Variants in POLR1D observed in about 807,000 individuals in gnomAD.
POLR1D encodes DNA-directed RNA polymerases I and III subunit RPAC2.
A neutral mutation model predicts 10.8 loss-of-function variants in POLR1D; 8 were observed. The ratio of observed to expected loss-of-function variants is 0.74; its 90% CI spans 0.43 to 1.33. The LOEUF is 1.33. POLR1D is among the 40% of genes most tolerant of loss of function. The pLI is 0.01. For synonymous variants in POLR1D, 54 were observed against 57.2 expected, an observed-to-expected ratio of 0.94 and a Z score of 0.25; for missense variants, 152 against 161.7, an observed-to-expected ratio of 0.94 and a Z score of 0.32.
intron 2 of POLR1D, among the ~76,000 whole-genome samples, chr13:27,651,843 G>T (rs1035184851): frequency 4.6e-5 from 7 of 152,158 alleles, no homozygotes; most frequent in Non-Finnish European, 8.8e-5. Context: ...TAGACTCATG[G>T]GAAAAGTGGG....
In POLR1D at chr13:27,666,014, G is replaced by A. The variant is rs764415521; in HGVS notation, c.*61G>A. 2.3e-5 allele frequency: 34 copies of A among 1,498,020 alleles called. 1 individual carries two copies. The highest frequency in any genetic ancestry group is 1.1e-4 in the Admixed American group (6 of 53,368). 92.8% of individuals were successfully genotyped at this position (1,498,020 alleles called of 1,614,324 possible). The stretch of plus-strand genomic sequence containing the variant: ...CGTGCTCCTTCGGGGTGCGGTGTGC[G>A]GAGAAGGCCTGAGCTGGCAGGGCAA... On this transcript the variant is annotated 3_prime_UTR_variant, in exon 3 of 3. Coordinates refer to the POLR1D transcript ENST00000399697.
intron 1 of POLR1D, among the ~76,000 whole-genome samples, chr13:27,631,712 G>A (rs1458470711): frequency 6.6e-6 from 1 of 152,044 alleles, no homozygotes; most frequent in African/African-American, 2.4e-5. Flanking sequence ...GTCCTTGTTC[G>A]CTTCTGAACC....
intron 1 of POLR1D, chr13:27,622,263 G>A (rs1297555221): frequency 6.9e-6 from 4 of 580,768 alleles, no homozygotes; most frequent in Admixed American, 6.1e-5. Flanking sequence ...CAACAGCAGT[G>A]TGTAAAAATC....
At chr13:27,658,600 G>A (rs1566152814) in intron 2 of POLR1D, among the ~76,000 whole-genome samples, 2 of 152,178 alleles carry the variant, frequency 1.3e-5, no homozygotes. Context: ...TTGCCAGAGA[G>A]AGATTGCTGA....
chr13:27,628,129 A>G (rs1956036071), downstream of POLR1D, among the ~76,000 whole-genome samples: 1 of 152,176 alleles, frequency 6.6e-6, no homozygotes, highest in Admixed American at 6.5e-5. Context: ...CCATATCAGA[A>G]GAATTCATGT....
At chr13:27,654,475 T>G (rs1956292336) in intron 2 of POLR1D, among the ~76,000 whole-genome samples, 1 of 152,240 alleles carries the variant, frequency 6.6e-6, no homozygotes, top group Non-Finnish European at 1.5e-5. Context: ...GTTCACAGTT[T>G]GCCAAAATTC....
intron 1 of POLR1D, among the ~76,000 whole-genome samples, chr13:27,631,563 A>G (rs961736442): frequency 3.3e-5 from 5 of 152,202 alleles, no homozygotes; most frequent in African/African-American, 7.2e-5. Flanking sequence ...ACACCCACAT[A>G]CAAACCTCCA....
exon 3 of POLR1D, chr13:27,665,879 G>A (rs748657620): frequency 1.2e-6 from 2 of 1,614,028 alleles, no homozygotes; most frequent in Non-Finnish European, 8.5e-7. Flanking sequence ...CCGCGCTCGA[G>A]GTTCCGCCAG....
At chr13:27,621,112 A>T (rs1466294006), upstream of POLR1D, 1 of 153,218 alleles carries the variant, frequency 6.5e-6, no homozygotes, top group African/African-American at 2.4e-5. Flanking sequence ...AAGGTTGCCG[A>T]GGCGGGGGCT....
At chr13:27,666,028 C>A in exon 3 of POLR1D, 1 of 1,370,088 alleles carries the variant, frequency 7.3e-7, no homozygotes, top group Non-Finnish European at 1.0e-6. Context: ...AAGGCCTGAG[C>A]TGGCAGGGCA....
rs1211589629 is a variant in POLR1D at position 27,663,468 on chromosome 13, T to G, written c.102-2218T>G. 6.6e-6 allele frequency among the ~76,000 whole-genome samples: 1 copy of G among 152,246 alleles called. No individual in the cohort carries two copies. Among genetic ancestry groups the G allele is most frequent in the Non-Finnish European group, 1.5e-5 (1 of 68,042 alleles). On this transcript the variant is annotated intron_variant, in intron 2 of 2. Coordinates refer to the POLR1D transcript ENST00000399697. The surrounding 1 kb of genome is among the most constrained non-coding windows in gnomAD (Gnocchi z 4.1). ...TGTGGAATTATTCTATAAAACCATC[T>G]CATTCTCTGGCTAACTCTTTGGGTC...
chr13:27,652,993 T>G (rs7330014), intron 2 of POLR1D, among the ~76,000 whole-genome samples: 117,368 of 144,424 alleles, frequency 0.81, 47,957 homozygotes, highest in East Asian at 0.93. Context: ...TCTGCCTCCC[T>G]GGTGCAAGCA....
intron 1 of POLR1D, chr13:27,648,309 C>T: frequency 9.6e-7 from 1 of 1,037,640 alleles, no homozygotes. Context: ...AGATCATGGA[C>T]CTGGAATGAA....
chr13:27,621,978 C>G lies in POLR1D; in HGVS notation c.-6C>G. 1 of 1,593,204 alleles carries G rather than the reference C, an allele frequency of 6.3e-7. No homozygotes were observed. The highest frequency in any genetic ancestry group is 1.3e-5 in the African/African-American group (1 of 74,896). On this transcript the variant is annotated 5_prime_UTR_variant, in exon 1 of 2. Coordinates refer to ENST00000302979, the MANE Select transcript of POLR1D (RefSeq NM_015972.4). ...ACCACCTGAGGATCCAGAAACCGCC[C>G]CAGCGATGGAAGAGGATCAGGAGCT...
intron 1 of POLR1D, among the ~76,000 whole-genome samples, chr13:27,638,885 A>G (rs556401348): frequency 1.4e-4 from 22 of 152,302 alleles, no homozygotes; most frequent in African/African-American, 4.8e-4. Context: ...TACACCTACC[A>G]AACTTCTCCC....
At chr13:27,629,916 A>G (rs546650947) in intron 1 of POLR1D, among the ~76,000 whole-genome samples, 1 of 151,840 alleles carries the variant, frequency 6.6e-6, no homozygotes, top group East Asian at 2.0e-4. Flanking sequence ...TTATTTATTT[A>G]TTTATTTATT....
downstream of POLR1D, among the ~76,000 whole-genome samples, chr13:27,625,393 A>G (rs1955999044): frequency 6.6e-6 from 1 of 152,226 alleles, no homozygotes; most frequent in Admixed American, 6.5e-5. Context: ...GGTATATTTT[A>G]GAATTGAATT....
chr13:27,623,260 C>T lies in POLR1D; in HGVS notation c.*10C>T, dbSNP rs934624616. On this transcript the variant is annotated 3_prime_UTR_variant, in exon 2 of 2. Transcript: ENST00000302979. ...TGAATCCACATTCTAGTCCTTTATG[C>T]AGTATACAAGGAGAACTGTCCTGTA... 6.8e-6 allele frequency: 11 copies of T among 1,613,022 alleles called. 1 individual carries two copies. Among genetic ancestry groups the T allele is most frequent in the Non-Finnish European group, 8.5e-6 (10 of 1,179,782 alleles).
intron 2 of POLR1D, chr13:27,651,243 G>A (rs1479594500): frequency 6.6e-6 from 1 of 152,110 alleles, no homozygotes; most frequent in Non-Finnish European, 1.5e-5. Context: ...CAAAATGTGA[G>A]AAATGCTACA....
Sources: gnomAD v4.1 joint callset for allele counts (sites outside exome capture counted in the v4.1 genomes callset) on GRCh38, gnomAD v4.1.1 for gene constraint, Gnocchi (gnomAD v3.1) non-coding constraint, MANE v1.5 for transcripts, NCBI Gene and HGNC (gene_info 2026-07-23, HGNC 2026-07-21) for gene names.